AIG1: variants seen among roughly 807,000 people sequenced by gnomAD.
AIG1 encodes androgen induced 1, also known as androgen-induced gene 1 protein.
A neutral mutation model predicts 31.4 loss-of-function variants in AIG1; 23 were observed. The observed-to-expected ratio is 0.73, with a 90% CI of 0.53 to 1.04. The LOEUF is 1.04. Ranked by LOEUF, AIG1 falls within the 50% of genes least tolerant of loss-of-function variation. AIG1 has a pLI of 0.00. For synonymous variants in AIG1, 100 were observed against 110.5 expected, an observed-to-expected ratio of 0.90 and a Z score of 0.60; for missense variants, 274 against 295.0, an observed-to-expected ratio of 0.93 and a Z score of 0.52.
chr6:143,187,957 A>T, intron 3 of AIG1: 1 of 1,224,360 alleles, frequency 8.2e-7, no homozygotes, highest in Non-Finnish European at 1.0e-6. Flanking sequence ...TCTTGATTTT[A>T]TTAGTTGCAT....
intron 3 of AIG1, among the ~76,000 whole-genome samples, chr6:143,270,089 C>A (rs1293809655): frequency 1.3e-5 from 2 of 152,170 alleles, no homozygotes; most frequent in African/African-American, 4.8e-5. Flanking sequence ...AAGATTCAAA[C>A]AGGACCCCTA....
intron 2 of AIG1, among the ~76,000 whole-genome samples, chr6:143,153,645 C>G (rs1239708192): frequency 6.6e-6 from 1 of 152,170 alleles, no homozygotes; most frequent in Non-Finnish European, 1.5e-5. Flanking sequence ...CCGTGCCCAG[C>G]TGAGATTTTT....
rs1364908937 is a variant in AIG1 at position 143,327,089 on chromosome 6, A to T, written c.516-6193A>T. Among the ~76,000 whole-genome samples the T allele has an allele frequency of 6.6e-6, 1 of 152,232 alleles. No homozygotes were observed. The highest frequency in any genetic ancestry group is 2.4e-5 in the African/African-American group (1 of 41,466). ...ATGACATGGAAGGAGGAAAAAATAGATGTAGAGACAAATTAGAAACTATCA... is the reference window on the plus strand; with the variant it reads ...ATGACATGGAAGGAGGAAAAAATAGTTGTAGAGACAAATTAGAAACTATCA... On this transcript the variant is annotated intron_variant, in intron 4 of 5. Transcript: ENST00000357847. This position sits in a 1 kb window ranked among gnomAD's most constrained non-coding sequence, Gnocchi z 5.3.
At chr6:143,323,181 C>T (rs1242308852) in intron 4 of AIG1, among the ~76,000 whole-genome samples, 4 of 152,078 alleles carry the variant, frequency 2.6e-5, no homozygotes, top group South Asian at 4.2e-4. Flanking sequence ...ACTACGTAGG[C>T]GGGACCAGTT....
At chr6:143,294,017 G>C (rs975249010) in intron 4 of AIG1, among the ~76,000 whole-genome samples, 1 of 151,994 alleles carries the variant, frequency 6.6e-6, no homozygotes, top group African/African-American at 2.4e-5. Context: ...GGACTCCTTC[G>C]ATCTCCCCCT....
At chr6:143,226,985 CT>C (rs11431811) in intron 3 of AIG1, among the ~76,000 whole-genome samples, 11,934 of 113,540 alleles carry the variant, frequency 0.11, 971 homozygotes, top group Admixed American at 0.25. Context: ...GAGTTTTTGT[CT>C]TTTTTTTTTT....
At chr6:143,180,206 C>G (rs901496536) in intron 3 of AIG1, among the ~76,000 whole-genome samples, 1 of 152,180 alleles carries the variant, frequency 6.6e-6, no homozygotes, top group Non-Finnish European at 1.5e-5. Flanking sequence ...TGATATAATT[C>G]AATCTAACAA....
At chr6:143,101,614 C>T (rs527241358) in intron 1 of AIG1, among the ~76,000 whole-genome samples, 20 of 151,976 alleles carry the variant, frequency 1.3e-4, no homozygotes, top group South Asian at 1.2e-3. Flanking sequence ...GGTGTGACAC[C>T]GTAGAAACTG....
intron 3 of AIG1, among the ~76,000 whole-genome samples, chr6:143,245,545 A>G (rs1056675361): frequency 6.6e-6 from 1 of 152,246 alleles, no homozygotes; most frequent in Non-Finnish European, 1.5e-5. Flanking sequence ...TCAAGAATAA[A>G]TATTGCCCCT....
chr6:143,142,893 C>A (rs2128531227), intron 2 of AIG1, among the ~76,000 whole-genome samples: 2 of 152,232 alleles, frequency 1.3e-5, no homozygotes, highest in South Asian at 4.1e-4. Context: ...AAGTATATTG[C>A]TATTGTTTTA....
At chr6:143,089,433 G>A (rs879451029) in intron 1 of AIG1, among the ~76,000 whole-genome samples, 1 of 152,030 alleles carries the variant, frequency 6.6e-6, no homozygotes, top group Admixed American at 6.5e-5. Context: ...CCTTCTGTAA[G>A]TCATAAAGCT....
chr6:143,237,051 G>A (rs958155335), intron 3 of AIG1, among the ~76,000 whole-genome samples: 4 of 152,116 alleles, frequency 2.6e-5, no homozygotes, highest in East Asian at 1.9e-4. Context: ...GTATGCTACC[G>A]GTAAGCAAGG....
At chr6:143,072,677 G>A (rs1233041889) in intron 1 of AIG1, among the ~76,000 whole-genome samples, 1 of 151,958 alleles carries the variant, frequency 6.6e-6, no homozygotes, top group Non-Finnish European at 1.5e-5. Context: ...AATGGATGTT[G>A]AATTTCGTCT....
intron 3 of AIG1, among the ~76,000 whole-genome samples, chr6:143,221,357 A>G (rs1285930207): frequency 1.3e-5 from 2 of 151,864 alleles, no homozygotes; most frequent in Non-Finnish European, 2.9e-5. Context: ...GCCCAATACA[A>G]ACCTGTTCAA....
chr6:143,070,807 G>A (rs888354396), intron 1 of AIG1, among the ~76,000 whole-genome samples: 6 of 152,096 alleles, frequency 3.9e-5, no homozygotes, highest in African/African-American at 1.4e-4. Context: ...TGTTAGATTG[G>A]GGATTAAGCT....
At chr6:143,118,970 C>T (rs996769622) in intron 1 of AIG1, among the ~76,000 whole-genome samples, 2 of 151,446 alleles carry the variant, frequency 1.3e-5, no homozygotes, top group Admixed American at 6.6e-5. Flanking sequence ...ACCTCCTGGG[C>T]TCAATTGATC....
chr6:143,111,502 GC>G (rs1781274210), intron 1 of AIG1, among the ~76,000 whole-genome samples: 1 of 152,104 alleles, frequency 6.6e-6, no homozygotes, highest in African/African-American at 2.4e-5. Context: ...CACATGGCCT[GC>G]TTCAGACTCA....
At chr6:143,322,578 A>G (rs1776301570) in intron 4 of AIG1, among the ~76,000 whole-genome samples, 1 of 152,218 alleles carries the variant, frequency 6.6e-6, no homozygotes, top group Non-Finnish European at 1.5e-5. Context: ...GGGGAATTCA[A>G]ATTGAATTCT....
chr6:143,120,934 C>A (rs1378468490), intron 1 of AIG1, among the ~76,000 whole-genome samples: 2 of 152,218 alleles, frequency 1.3e-5, no homozygotes, highest in Non-Finnish European at 2.9e-5. Context: ...GGGCGGAAAA[C>A]CGCTTAAAGG....
Sources: allele counts gnomAD v4.1 joint callset (sites outside exome capture counted in the v4.1 genomes callset), GRCh38; gene constraint gnomAD v4.1.1; non-coding constraint Gnocchi (gnomAD v3.1); transcripts MANE v1.5; gene names NCBI Gene and HGNC (gene_info 2026-07-23, HGNC 2026-07-21).